Variants in TBC1D19 observed in about 807,000 individuals in gnomAD.
TBC1D19 encodes TBC1 domain family member 19, also known as TBC1 domain family, member 19.
A neutral mutation model predicts 89.0 loss-of-function variants in TBC1D19; 60 were observed. That is an observed-to-expected ratio of 0.67 (90% CI 0.55 to 0.84). The LOEUF (loss-of-function observed/expected upper bound fraction) is 0.84, where lower values mean the gene tolerates loss of function less well. TBC1D19 is among the 40% of genes least tolerant of loss of function. The probability of loss-of-function intolerance (pLI) is 0.00; values close to 1 mark genes in which losing one functional copy is unlikely to be tolerated. For missense variants in TBC1D19, 500 were observed against 610.8 expected, an observed-to-expected ratio of 0.82 and a Z score of 1.91; for synonymous variants, 189 against 199.7, an observed-to-expected ratio of 0.95 and a Z score of 0.45.
chr4:26,635,485 T>G (rs768113949), intron 4 of TBC1D19, among the ~76,000 whole-genome samples: 2 of 152,166 alleles, frequency 1.3e-5, no homozygotes. Flanking sequence ...TTGGGAGCTA[T>G]TTCATGTAAT....
At chr4:26,625,392 T>C (rs888920029) in intron 4 of TBC1D19, among the ~76,000 whole-genome samples, 2 of 152,208 alleles carry the variant, frequency 1.3e-5, no homozygotes, top group African/African-American at 2.4e-5. Context: ...AGAAGAGTTT[T>C]GCGAAGTTAG....
chr4:26,633,875 A>G (rs1742954270), intron 4 of TBC1D19, among the ~76,000 whole-genome samples: 1 of 152,086 alleles, frequency 6.6e-6, no homozygotes, highest in Admixed American at 6.6e-5. Flanking sequence ...AGCCAAACTG[A>G]TTTTGAAAAT....
chr4:26,832,012 G>A, the TBC1D19 span, among the ~76,000 whole-genome samples: 5 of 152,240 alleles, frequency 3.3e-5, no homozygotes, highest in East Asian at 1.9e-4. Flanking sequence ...ATACCTGATC[G>A]TATTGTCCTG....
downstream of TBC1D19, among the ~76,000 whole-genome samples, chr4:26,761,162 T>G (rs1227465142): frequency 6.6e-6 from 1 of 152,230 alleles, no homozygotes. Context: ...TTTATTCACG[T>G]ATGTTAAAAC....
chr4:26,796,832 A>G, the TBC1D19 span, among the ~76,000 whole-genome samples: 1 of 152,188 alleles, frequency 6.6e-6, no homozygotes, highest in Non-Finnish European at 1.5e-5. Flanking sequence ...AGACACAGAA[A>G]GCATATCTGA....
intron 1 of TBC1D19, among the ~76,000 whole-genome samples, chr4:26,590,793 T>A (rs1739719066): frequency 7.5e-6 from 1 of 133,746 alleles, no homozygotes; most frequent in Non-Finnish European, 1.6e-5. Flanking sequence ...GTCTTGCAGG[T>A]CTGTTTTTTT....
chr4:26,620,981 T>C (rs571120805), intron 4 of TBC1D19, among the ~76,000 whole-genome samples: 1 of 152,320 alleles, frequency 6.6e-6, no homozygotes, highest in East Asian at 1.9e-4. Flanking sequence ...CAATCTATTC[T>C]TCATGGCCTG....
At chr4:26,711,999 G>T (rs954871636) in intron 13 of TBC1D19, among the ~76,000 whole-genome samples, 6 of 151,950 alleles carry the variant, frequency 3.9e-5, no homozygotes, top group Non-Finnish European at 8.8e-5. Flanking sequence ...CTTCTCTAGG[G>T]CAACAGGGAC....
chr4:26,727,061 A>G (rs1717365013), intron 15 of TBC1D19, among the ~76,000 whole-genome samples: 1 of 152,192 alleles, frequency 6.6e-6, no homozygotes, highest in South Asian at 2.1e-4. Context: ...GAAAATAATT[A>G]CTTATAGCAG....
rs377029157 is a variant in TBC1D19 at position 26,640,198 on chromosome 4, T to C, written c.480+11T>C. 5 of 1,590,952 alleles carry C rather than the reference T, an allele frequency of 3.1e-6. No homozygotes were observed. The highest frequency in any genetic ancestry group is 1.7e-5 in the Admixed American group (1 of 59,688). On this transcript the variant is annotated intron_variant, in intron 7 of 20. Transcript: ENST00000264866. ...AAGGATTTTCTTGAGGTAGGTTCTATTGGATAAATACACATATATTAATGA... is the reference window on the plus strand; with the variant it reads ...AAGGATTTTCTTGAGGTAGGTTCTACTGGATAAATACACATATATTAATGA...
At chr4:26,767,363 T>G in the TBC1D19 span, among the ~76,000 whole-genome samples, 3 of 152,150 alleles carry the variant, frequency 2.0e-5, no homozygotes, top group Non-Finnish European at 4.4e-5. Context: ...GAGATAGTCT[T>G]CCTCAAAACA....
the TBC1D19 span, chr4:26,858,415 A>G: frequency 6.6e-6 from 1 of 152,292 alleles, no homozygotes; most frequent in Admixed American, 6.5e-5. Flanking sequence ...AAGGAGAGAA[A>G]GCTTTGGGGT....
chr4:26,843,757 T>C, the TBC1D19 span, among the ~76,000 whole-genome samples: 15 of 152,156 alleles, frequency 9.9e-5, no homozygotes, highest in Non-Finnish European at 1.9e-4. Context: ...TTTAATTGAA[T>C]CATGATTCTG....
At chr4:26,668,866 G>C (rs557438915) in intron 9 of TBC1D19, among the ~76,000 whole-genome samples, 23 of 151,750 alleles carry the variant, frequency 1.5e-4, no homozygotes, top group African/African-American at 5.6e-4. Flanking sequence ...TTATATAAAA[G>C]TCAGGAGAAA....
At chr4:26,735,003 CAT>C (rs1491513428) in intron 15 of TBC1D19, among the ~76,000 whole-genome samples, 4 of 115,276 alleles carry the variant, frequency 3.5e-5, no homozygotes, top group African/African-American at 1.2e-4. Context: ...TATGTATACA[CAT>C]ATGTATATGT....
the TBC1D19 span, among the ~76,000 whole-genome samples, chr4:26,804,287 A>G: frequency 6.6e-6 from 1 of 152,006 alleles, no homozygotes; most frequent in Non-Finnish European, 1.5e-5. Context: ...CTGGGATCAC[A>G]GGCGCCCACC....
chr4:26,704,891 CA>C (rs1715616300), intron 13 of TBC1D19, among the ~76,000 whole-genome samples: 1 of 152,074 alleles, frequency 6.6e-6, no homozygotes, highest in South Asian at 2.1e-4. Flanking sequence ...CAATAGTGTA[CA>C]AAGTTTCCAG....
the TBC1D19 span, among the ~76,000 whole-genome samples, chr4:26,783,838 T>C: frequency 6.6e-6 from 1 of 151,720 alleles, no homozygotes; most frequent in Non-Finnish European, 1.5e-5. Flanking sequence ...CTGGCAACCA[T>C]GCATCTTAGG....
chr4:26,747,890 T>C (rs1456547120), intron 18 of TBC1D19, among the ~76,000 whole-genome samples: 1 of 152,218 alleles, frequency 6.6e-6, no homozygotes, highest in Non-Finnish European at 1.5e-5. Flanking sequence ...AATCTATTTC[T>C]AATGTCTCAT....
Sources: gnomAD v4.1 joint callset for allele counts (sites outside exome capture counted in the v4.1 genomes callset) on GRCh38, gnomAD v4.1.1 for gene constraint, MANE v1.5 for transcripts, NCBI Gene and HGNC (gene_info 2026-07-23, HGNC 2026-07-21) for gene names.